OCRL: variants seen among roughly 807,000 people sequenced by gnomAD.
OCRL encodes the protein inositol polyphosphate 5-phosphatase OCRL.
In OCRL, 8 loss-of-function variants were observed where a neutral mutation model predicts 78.9. That is an observed-to-expected ratio of 0.10 (90% CI 0.06 to 0.18). The LOEUF is 0.18. OCRL is among the 10% of genes least tolerant of loss of function. The pLI, the probability that OCRL is intolerant of heterozygous loss-of-function variation, is 1.00. For synonymous variants in OCRL, 240 were observed against 235.4 expected (o/e 1.02, Z -0.18); for missense variants, 454 against 696.7 (o/e 0.65, Z 3.92).
intron 19 of OCRL, 45 bp downstream of exon 19, chrX:129,584,412 T>C: frequency 1.8e-6 from 2 of 1,124,591 alleles, no homozygotes; most frequent in Non-Finnish European, 2.5e-6. Context: ...CTGTGCTTGA[T>C]TAACACTTAA....
intron 4 of OCRL, among the ~76,000 whole-genome samples, chrX:129,551,994 G>A (rs1022984374): frequency 5.4e-5 from 6 of 111,723 alleles, no homozygotes; most frequent in African/African-American, 9.8e-5. Context: ...CCTAAAACAG[G>A]TCTTGGGCAC....
intron 20 of OCRL, 86 bp from the exon 21 acceptor site, chrX:129,588,093 C>A (rs774394070): frequency 5.8e-6 from 4 of 693,142 alleles, no homozygotes; most frequent in Non-Finnish European, 7.1e-6. Flanking sequence ...CCTTTTGCTT[C>A]CTGCTGCTCT....
chrX:129,587,554 C>T (rs879149327), intron 20 of OCRL, among the ~76,000 whole-genome samples: 2 of 111,192 alleles, frequency 1.8e-5, no homozygotes, highest in Admixed American at 9.6e-5. Context: ...CCACCTCATT[C>T]GCCCCCAAAA....
rs376110775 is a variant in OCRL, at chrX:129,591,413, G to A, written c.*1143G>A. On this transcript the variant is annotated 3_prime_UTR_variant, in exon 24 of 24. Coordinates refer to ENST00000371113, the MANE Select transcript of OCRL (RefSeq NM_000276.4). ...TGTTGTGTAAAGAGACTGGCCAACA[G>A]GACCAACCAAGCACCTTACCTCTCC... The A allele has an allele frequency of 8.9e-6, 1 of 111,813 alleles. No homozygotes were observed. Among genetic ancestry groups the A allele is most frequent in the African/African-American group, 3.3e-5 (1 of 30,686 alleles). 9.2% of individuals were successfully genotyped at this position (111,813 alleles called of 1,213,427 possible).
intron 2 of OCRL, among the ~76,000 whole-genome samples, chrX:129,543,109 C>T (rs746053076): frequency 4.6e-4 from 52 of 111,940 alleles, no homozygotes; most frequent in Non-Finnish European, 9.0e-4. Context: ...CAGGATTTGT[C>T]ACTCTTTTCT....
At chrX:129,558,809 T>A (rs1333421408) in intron 7 of OCRL, 31 bp from the exon 8 acceptor site, 1 of 1,211,810 alleles carries the variant, frequency 8.3e-7, no homozygotes, top group Non-Finnish European at 1.1e-6. Flanking sequence ...TTTAAACAAT[T>A]TTACTTTTGA....
rs746350818 is a variant in OCRL, at chrX:129,569,318, T to C, written c.1521T>C (p.Asn507=). 3.3e-6 allele frequency: 4 copies of C among 1,211,283 alleles called. No homozygotes were observed. Among genetic ancestry groups the C allele is most frequent in the South Asian group, 1.8e-5 (1 of 56,996 alleles). Residue 507 remains asparagine (N), a synonymous_variant, in exon 15 of 24, where the codon AAT becomes AAC. Transcript: ENST00000371113. ...WCDRILWRGT[N]VNQLNYRSHM... ...ACCGAATTCTTTGGAGAGGAACAAA[T>C]GTTAATCAGCTTAATTATCGGAGTC...
chrX:129,588,126 T>C, intron 20 of OCRL, 53 bp from the exon 21 acceptor site: 4 of 898,545 alleles, frequency 4.5e-6, no homozygotes, highest in Non-Finnish European at 6.6e-6. Flanking sequence ...GTAATCATCA[T>C]AACCTCAGGA....
At chrX:129,573,785 C>G (rs1035529817) in intron 15 of OCRL, among the ~76,000 whole-genome samples, 1 of 111,450 alleles carries the variant, frequency 9.0e-6, no homozygotes, top group African/African-American at 3.3e-5. Flanking sequence ...GTTTCGAACT[C>G]CTGACCTCTA....
intron 18 of OCRL, among the ~76,000 whole-genome samples, 173 bp downstream of exon 18, chrX:129,576,725 AG>A: frequency 8.9e-6 from 1 of 112,103 alleles, no homozygotes; most frequent in Non-Finnish European, 1.9e-5. Context: ...AAGGGGAAAG[AG>A]GGGGGACTAA....
At chrX:129,552,454 C>T (rs1190839945) in intron 4 of OCRL, among the ~76,000 whole-genome samples, 35 of 111,415 alleles carry the variant, frequency 3.1e-4, no homozygotes, top group Non-Finnish European at 1.7e-4. Context: ...GATGGAGCCT[C>T]GGTCTTATCG....
At chrX:129,574,998 T>G in intron 15 of OCRL, 142 bp from the exon 16 acceptor site, 4 of 495,169 alleles carry the variant, frequency 8.1e-6, no homozygotes, top group Non-Finnish European at 1.5e-5. Flanking sequence ...AAGCAAGATA[T>G]AGAGAGTGTT....
At chrX:129,579,501 A>AT (rs1936414186) in intron 18 of OCRL, among the ~76,000 whole-genome samples, 1 of 111,777 alleles carries the variant, frequency 8.9e-6, no homozygotes, top group Non-Finnish European at 1.9e-5. Context: ...ATCCTTATGC[A>AT]CTGTTTTAGA....
rs1936266241 is a variant in OCRL, at chrX:129,569,351, A to G, written c.1554A>G (p.Glu518=). The stretch of plus-strand genomic sequence containing the variant: ...AGCTTAATTATCGGAGTCACATGGA[A>G]CTGAAAACCAGCGACCACAAGCCTG... ...VNQLNYRSHM[E]LKTSDHKPVS... is the part of the protein sequence containing the mutation. Residue 518 remains glutamate, a synonymous_variant, in exon 15 of 24, where the codon GAA becomes GAG. Transcript: ENST00000371113. The G allele has an allele frequency of 8.3e-7, 1 of 1,209,670 alleles. No individual in the cohort carries two copies. Among genetic ancestry groups the G allele is most frequent in the East Asian group, 3.0e-5 (1 of 33,803 alleles).
At position 129,540,754 on chromosome X, in the gene OCRL, G is replaced by C. The variant is rs768913997; in HGVS notation, c.50G>C (p.Gly17Ala). 1.5e-5 allele frequency: 18 copies of C among 1,207,170 alleles called. No individual in the cohort carries two copies. Among genetic ancestry groups the C allele is most frequent in the Admixed American group, 8.7e-5 (4 of 45,780 alleles). The change falls in exon 2 of 24, where the codon GGT becomes GCT. Residue 17 changes from glycine (G) to alanine (A), a missense_variant. Gly to Ala is a moderately conservative substitution (Grantham distance 60). Around this residue, in one of 2 missense-constraint regions of OCRL, gnomAD observed 177 missense variants for 179.6 expected, o/e 0.99. Transcript: ENST00000371113. ...VGAQPLATVE[G>A]MEMKGPLREP... ...GACTAGCGCCCGCATACTGTCGAGG[G>C]TATGGAGATGAAGGGTCCTCTCCGG... is the stretch of plus-strand genomic sequence containing the variant.
At chrX:129,564,432 C>T (rs1157691517) in intron 12 of OCRL, among the ~76,000 whole-genome samples, 23 of 110,717 alleles carry the variant, frequency 2.1e-4, no homozygotes, top group East Asian at 1.4e-3. Context: ...GTATGTTTAT[C>T]GCGGCACTAT....
intron 10 of OCRL, among the ~76,000 whole-genome samples, chrX:129,561,880 A>G (rs1393943298): frequency 8.9e-6 from 1 of 112,186 alleles, no homozygotes; most frequent in Non-Finnish European, 1.9e-5. Flanking sequence ...AACAGTTTAT[A>G]TAGGTAATAA....
At chrX:129,550,140 T>C (rs1935939717) in intron 4 of OCRL, among the ~76,000 whole-genome samples, 1 of 112,346 alleles carries the variant, frequency 8.9e-6, no homozygotes. Flanking sequence ...TTGTAAATAA[T>C]TTTTTCTCAC....
intron 2 of OCRL, among the ~76,000 whole-genome samples, chrX:129,542,880 C>T (rs890420180): frequency 8.9e-6 from 1 of 111,849 alleles, no homozygotes; most frequent in Non-Finnish European, 1.9e-5. Context: ...GAACTTGAAG[C>T]CTGACTTAAA....
Sources: allele counts gnomAD v4.1 joint callset (sites outside exome capture counted in the v4.1 genomes callset), GRCh38; gene constraint gnomAD v4.1.1; regional missense constraint gnomAD v4.1.1; transcripts MANE v1.5; gene names NCBI Gene and HGNC (gene_info 2026-07-23, HGNC 2026-07-21).